FBXL7: variants seen among roughly 807,000 people sequenced by gnomAD.
The protein encoded by FBXL7 is F-box and leucine rich repeat protein 7.
A neutral mutation model predicts 38.3 loss-of-function variants in FBXL7; 12 were observed. That is an observed-to-expected ratio of 0.31 (90% CI 0.20 to 0.51). The LOEUF (loss-of-function observed/expected upper bound fraction) is 0.51, where lower values mean the gene tolerates loss of function less well. Ranked by LOEUF, FBXL7 falls within the 20% of genes least tolerant of loss-of-function variation. The probability of loss-of-function intolerance (pLI) is 0.98; values close to 1 mark genes in which losing one functional copy is unlikely to be tolerated. For synonymous variants in FBXL7, 297 were observed against 300.9 expected, an observed-to-expected ratio of 0.99 and a Z score of 0.13; for missense variants, 567 against 676.4, an observed-to-expected ratio of 0.84 and a Z score of 1.79.
At chr5:15,539,312 G>A (rs1159443348) in intron 1 of FBXL7, among the ~76,000 whole-genome samples, 1 of 152,148 alleles carries the variant, frequency 6.6e-6, no homozygotes, top group Non-Finnish European at 1.5e-5. Context: ...TTTAAAATGG[G>A]ACTCTGCTTT....
chr5:15,773,849 T>G (rs1736792484), intron 2 of FBXL7, among the ~76,000 whole-genome samples: 1 of 152,104 alleles, frequency 6.6e-6, no homozygotes, highest in Non-Finnish European at 1.5e-5. Flanking sequence ...GGAGAATATA[T>G]TCACTGGATG....
chr5:15,546,857 T>C (rs1047358899), intron 1 of FBXL7, among the ~76,000 whole-genome samples: 2 of 152,148 alleles, frequency 1.3e-5, no homozygotes, highest in African/African-American at 4.8e-5. Context: ...TGAAAATTAA[T>C]TGGGTGGAGG....
At chr5:15,596,071 C>A (rs1056880664) in intron 1 of FBXL7, among the ~76,000 whole-genome samples, 3 of 152,154 alleles carry the variant, frequency 2.0e-5, no homozygotes, top group Non-Finnish European at 4.4e-5. Context: ...TGGAGACTTA[C>A]AGATATTAAG....
intron 2 of FBXL7, among the ~76,000 whole-genome samples, chr5:15,724,690 A>G (rs918882509): frequency 3.3e-5 from 5 of 152,218 alleles, no homozygotes; most frequent in Admixed American, 2.6e-4. Context: ...ATAACATTTT[A>G]AAGTATGCTA....
chr5:15,691,121 C>T (rs1031931049), intron 2 of FBXL7, among the ~76,000 whole-genome samples: 1 of 152,094 alleles, frequency 6.6e-6, no homozygotes, highest in African/African-American at 2.4e-5. Context: ...GCCACCTGGC[C>T]CCCAGGATGA....
At chr5:15,521,853 C>T (rs1737103827) in intron 1 of FBXL7, among the ~76,000 whole-genome samples, 1 of 152,222 alleles carries the variant, frequency 6.6e-6, no homozygotes, top group Admixed American at 6.5e-5. Context: ...ATTGTTCTTG[C>T]TTTATGTTGG....
chr5:15,619,619 T>G (rs2126524632), intron 2 of FBXL7, among the ~76,000 whole-genome samples: 1 of 152,374 alleles, frequency 6.6e-6, no homozygotes, highest in Admixed American at 6.5e-5. Context: ...TTTTCACCTC[T>G]GAATTCGCCA....
intron 2 of FBXL7, among the ~76,000 whole-genome samples, chr5:15,743,675 G>C (rs75481455): frequency 0.022 from 3,426 of 152,334 alleles, 93 homozygotes; most frequent in East Asian, 0.069. Flanking sequence ...CAGTGCCTCA[G>C]TGGGGACATT....
chr5:15,876,460 G>A (rs1171474368), intron 2 of FBXL7, among the ~76,000 whole-genome samples: 7 of 152,022 alleles, frequency 4.6e-5, no homozygotes, highest in African/African-American at 1.2e-4. Flanking sequence ...TGCATTTAAA[G>A]TTAGTTTGAA....
intron 1 of FBXL7, among the ~76,000 whole-genome samples, chr5:15,510,931 C>T (rs187285357): frequency 6.6e-6 from 1 of 152,304 alleles, no homozygotes; most frequent in Non-Finnish European, 1.5e-5. Flanking sequence ...GATGCCAACT[C>T]CCTACCCAGG....
At chr5:15,629,558 C>G (rs899959808) in intron 2 of FBXL7, among the ~76,000 whole-genome samples, 1 of 152,054 alleles carries the variant, frequency 6.6e-6, no homozygotes, top group Non-Finnish European at 1.5e-5. Context: ...GCAAATATGC[C>G]CAGACATGCA....
At chr5:15,551,501 G>A (rs1358683042) in intron 1 of FBXL7, among the ~76,000 whole-genome samples, 1 of 152,182 alleles carries the variant, frequency 6.6e-6, no homozygotes, top group Non-Finnish European at 1.5e-5. Flanking sequence ...AGACTTGCAA[G>A]GGATTGTTAG....
chr5:15,695,847 G>A lies in FBXL7; in HGVS notation c.127+79775G>A, dbSNP rs765345015. Reference sequence around the variant, plus strand: ...TTTTAACCCCTATGCCAAGAAAGTGGTTGTACTGAAAAAACACTCAGGTTC... The same window carrying A: ...TTTTAACCCCTATGCCAAGAAAGTGATTGTACTGAAAAAACACTCAGGTTC... On this transcript the variant is annotated intron_variant, in intron 2 of 3. Coordinates refer to ENST00000504595, the MANE Select transcript of FBXL7 (RefSeq NM_012304.5). Among the ~76,000 whole-genome samples, 343 of 152,132 alleles carry A rather than the reference G, an allele frequency of 2.3e-3. 1 individual carries two copies. Among genetic ancestry groups the A allele is most frequent in the Non-Finnish European group, 1.3e-3 (87 of 68,020 alleles).
At chr5:15,582,643 C>CT (rs1227477603) in intron 1 of FBXL7, among the ~76,000 whole-genome samples, 1 of 152,172 alleles carries the variant, frequency 6.6e-6, no homozygotes, top group Non-Finnish European at 1.5e-5. Context: ...AGATAAACAG[C>CT]TTTGAGTATA....
chr5:15,666,387 A>G (rs978496016), intron 2 of FBXL7, among the ~76,000 whole-genome samples: 2 of 152,206 alleles, frequency 1.3e-5, no homozygotes, highest in African/African-American at 2.4e-5. Context: ...ACTATCTACT[A>G]TATTTACAAA....
At chr5:15,641,622 C>A (rs911276368) in intron 2 of FBXL7, among the ~76,000 whole-genome samples, 4 of 151,770 alleles carry the variant, frequency 2.6e-5, no homozygotes, top group African/African-American at 7.3e-5. Context: ...TTCTGGATGA[C>A]AGGAACATTT....
intron 1 of FBXL7, among the ~76,000 whole-genome samples, chr5:15,613,050 A>G (rs966432951): frequency 6.6e-6 from 1 of 152,152 alleles, no homozygotes; most frequent in African/African-American, 2.4e-5. Context: ...GTTTATTTCT[A>G]GTTTTCCATT....
At chr5:15,874,216 A>G (rs544816908) in intron 2 of FBXL7, among the ~76,000 whole-genome samples, 5 of 152,346 alleles carry the variant, frequency 3.3e-5, no homozygotes, top group Non-Finnish European at 5.9e-5. Context: ...ACAAAATTCA[A>G]CAGCCCTTCA....
At chr5:15,753,058 A>G (rs572998337) in intron 2 of FBXL7, among the ~76,000 whole-genome samples, 1 of 152,198 alleles carries the variant, frequency 6.6e-6, no homozygotes, top group South Asian at 2.1e-4. Context: ...GCACTTGGCT[A>G]CTCTGTGGCA....
Sources: gnomAD v4.1 joint callset for allele counts (sites outside exome capture counted in the v4.1 genomes callset) on GRCh38, gnomAD v4.1.1 for gene constraint, MANE v1.5 for transcripts, NCBI Gene and HGNC (gene_info 2026-07-23, HGNC 2026-07-21) for gene names.